Variants in RALGAPA2 observed in about 807,000 individuals in gnomAD.
RALGAPA2 encodes the protein ral GTPase-activating protein subunit alpha-2.
RALGAPA2 carries 139 observed loss-of-function variants against 230.4 expected under a neutral mutation model. The observed-to-expected ratio is 0.60, with a 90% confidence interval of 0.53 to 0.69. RALGAPA2 has a LOEUF of 0.69. Among genes scored for constraint, RALGAPA2 ranks in the 30% least tolerant of loss-of-function variants. The probability of loss-of-function intolerance (pLI) is 0.00; values close to 1 mark genes in which losing one functional copy is unlikely to be tolerated. For synonymous variants in RALGAPA2, 847 were observed against 837.8 expected (o/e 1.01, Z -0.19); for missense variants, 2,163 against 2,276.0 (o/e 0.95, Z 1.01).
intron 31 of RALGAPA2, 59 bp from the exon 32 acceptor site, chr20:20,513,343 C>T (rs903867068): frequency 2.4e-6 from 3 of 1,262,582 alleles, no homozygotes; most frequent in Non-Finnish European, 3.0e-6. Context: ...TAAAACTCAA[C>T]ACCTTTTTTT....
intron 37 of RALGAPA2, among the ~76,000 whole-genome samples, chr20:20,459,396 C>T (rs570435103): frequency 6.7e-6 from 1 of 150,368 alleles, no homozygotes; most frequent in African/African-American, 2.4e-5. Flanking sequence ...ATATGCACTA[C>T]TGAATGGCAT....
intron 36 of RALGAPA2, among the ~76,000 whole-genome samples, chr20:20,474,164 G>T (rs1215808190): frequency 6.6e-6 from 1 of 152,174 alleles, no homozygotes; most frequent in Non-Finnish European, 1.5e-5. Context: ...TTCAGTAAAG[G>T]CCTAAAGAAA....
chr20:20,617,221 G>T (rs182849407), intron 12 of RALGAPA2, among the ~76,000 whole-genome samples: 1 of 152,212 alleles, frequency 6.6e-6, no homozygotes, highest in East Asian at 1.9e-4. Context: ...TTAAAGTATT[G>T]TATCAAAATA....
chr20:20,677,707 G>A (rs1437060188), intron 2 of RALGAPA2, among the ~76,000 whole-genome samples: 4 of 136,340 alleles, frequency 2.9e-5, no homozygotes, highest in Non-Finnish European at 6.1e-5. Context: ...GCAGTGGCGC[G>A]ATCTCGGCTC....
At chr20:20,528,402 G>C (rs532218517) in intron 27 of RALGAPA2, among the ~76,000 whole-genome samples, 8 of 152,292 alleles carry the variant, frequency 5.3e-5, no homozygotes, top group South Asian at 2.1e-4. Context: ...TCAGGAGGCT[G>C]AGTATTGGCA....
intron 10 of RALGAPA2, among the ~76,000 whole-genome samples, chr20:20,628,255 G>T (rs1220827296): frequency 6.6e-6 from 1 of 152,074 alleles, no homozygotes; most frequent in Non-Finnish European, 1.5e-5. Flanking sequence ...TCAAAAACTT[G>T]CCTCACCATA....
chr20:20,690,911 C>T (rs2068879694), intron 1 of RALGAPA2, among the ~76,000 whole-genome samples: 1 of 152,194 alleles, frequency 6.6e-6, no homozygotes, highest in South Asian at 2.1e-4. Flanking sequence ...TCCCAAGACA[C>T]TCTCCCGAAG....
Position 20,600,279 on chromosome 20 carries a change from G to C in RALGAPA2, c.2203+1403C>G, listed in dbSNP as rs2065598111. Among the ~76,000 whole-genome samples, 6 of 152,204 alleles carry C rather than the reference G, an allele frequency of 3.9e-5. No individual in the cohort carries two copies. The South Asian group carries it at 1.2e-3, about 32-fold the overall frequency. ...CCACTGCGGTTCAGCCTGAACAACA[G>C]CATGAGACTCCGACTCAAAAAACAA... On this transcript the variant is annotated intron_variant, in intron 16 of 39. Transcript: ENST00000202677.
Position 20,465,197 on chromosome 20 carries a change from A to ACACACTCT in RALGAPA2, c.5495+7631_5495+7632insAGAGTGTG, listed in dbSNP as rs772089136. On this transcript the variant is annotated intron_variant, in intron 37 of 39. Coordinates refer to ENST00000202677, the MANE Select transcript of RALGAPA2 (RefSeq NM_020343.4). ...CACACACACACACACACACACACAC[A>ACACACTCT]CTCTCTCATACTAGGGGACAGCAGC... Among the ~76,000 whole-genome samples the ACACACTCT allele has an allele frequency of 7.7e-3, 1,128 of 147,238 alleles. 28 individuals carry two copies. The East Asian group carries it at 0.079, about 10-fold the overall frequency.
chr20:20,705,332 G>A (rs970842560), intron 1 of RALGAPA2, among the ~76,000 whole-genome samples: 2 of 152,026 alleles, frequency 1.3e-5, no homozygotes, highest in South Asian at 2.1e-4. Context: ...TCAGCCTCCC[G>A]AGGAGCTGGG....
rs949354171 is a variant in RALGAPA2 at position 20,437,238 on chromosome 20, C to T, written c.5496-25090G>A. On this transcript the variant is annotated intron_variant, in intron 37 of 39. Transcript: ENST00000202677. This position sits in a 1 kb window ranked among gnomAD's most constrained non-coding sequence, Gnocchi z 4.1. ...AAACCACTCTGAACGTCCTGAAGAC[C>T]GCCTGGTCACTGAGGCACACATGAC... Among the ~76,000 whole-genome samples, 4 of 152,134 alleles carry T rather than the reference C, an allele frequency of 2.6e-5. No individual in the cohort carries two copies. Among genetic ancestry groups the T allele is most frequent in the Admixed American group, 6.5e-5 (1 of 15,280 alleles).
chr20:20,626,967 G>T (rs1037748204), intron 10 of RALGAPA2, among the ~76,000 whole-genome samples: 2 of 152,120 alleles, frequency 1.3e-5, no homozygotes, highest in African/African-American at 2.4e-5. Context: ...ATACACTCCA[G>T]GACCTTGACT....
chr20:20,458,755 C>CATCTATATATATATAG (rs2061205894), intron 37 of RALGAPA2, among the ~76,000 whole-genome samples: 1 of 1,174 alleles, frequency 8.5e-4, no homozygotes, highest in Non-Finnish European at 1.6e-3. Flanking sequence ...TATACATACA[C>CATCTATATATATATAG]ACCTATATAT....
At chr20:20,554,552 T>C (rs1383272792) in intron 23 of RALGAPA2, among the ~76,000 whole-genome samples, 1 of 152,254 alleles carries the variant, frequency 6.6e-6, no homozygotes, top group South Asian at 2.1e-4. Flanking sequence ...TTTAAGTCTA[T>C]GTCTTTCACC....
chr20:20,425,292 G>T (rs2060358294), intron 37 of RALGAPA2, among the ~76,000 whole-genome samples: 1 of 152,040 alleles, frequency 6.6e-6, no homozygotes, highest in Admixed American at 6.5e-5. Flanking sequence ...TGAATTTTGT[G>T]GTCCAAAGTA....
At chr20:20,600,765 C>T (rs370213759) in intron 16 of RALGAPA2, among the ~76,000 whole-genome samples, 80 of 152,206 alleles carry the variant, frequency 5.3e-4, no homozygotes, top group African/African-American at 1.8e-3. Context: ...TTATTAAATG[C>T]CGTATACAAG....
intron 14 of RALGAPA2, among the ~76,000 whole-genome samples, chr20:20,610,927 T>C (rs2065957666): frequency 6.6e-6 from 1 of 152,152 alleles, no homozygotes; most frequent in South Asian, 2.1e-4. Flanking sequence ...GTGGACATTG[T>C]CCTCTCTAGG....
intron 23 of RALGAPA2, among the ~76,000 whole-genome samples, chr20:20,547,751 G>T (rs574739699): frequency 6.6e-6 from 1 of 152,148 alleles, no homozygotes; most frequent in Non-Finnish European, 1.5e-5. Context: ...AAGTACAGTC[G>T]TGTCGCTTTA....
intron 27 of RALGAPA2, among the ~76,000 whole-genome samples, chr20:20,528,844 T>C (rs957273629): frequency 2.0e-5 from 3 of 152,192 alleles, no homozygotes; most frequent in African/African-American, 7.2e-5. Flanking sequence ...CACTCTCCGC[T>C]ACCCATGAAG....
Sources: gnomAD v4.1 joint callset for allele counts (sites outside exome capture counted in the v4.1 genomes callset) on GRCh38, gnomAD v4.1.1 for gene constraint, Gnocchi (gnomAD v3.1) non-coding constraint, MANE v1.5 for transcripts, NCBI Gene and HGNC (gene_info 2026-07-23, HGNC 2026-07-21) for gene names.